Variants in SPRED1 observed in about 807,000 individuals in gnomAD.
SPRED1 encodes sprouty related EVH1 domain containing 1, also known as sprouty-related, EVH1 domain-containing protein 1.
SPRED1 carries 18 observed loss-of-function variants against 52.3 expected under a neutral mutation model. That is an observed-to-expected ratio of 0.34 (90% CI 0.24 to 0.51). SPRED1 has a LOEUF of 0.51. Ranked by LOEUF, SPRED1 falls within the 20% of genes least tolerant of loss-of-function variation. SPRED1 has a pLI of 0.97. For synonymous variants in SPRED1, 155 were observed against 179.7 expected (o/e 0.86, Z 1.10); for missense variants, 485 against 551.0 (o/e 0.88, Z 1.20).
intron 1 of SPRED1, among the ~76,000 whole-genome samples, chr15:38,260,624 T>C (rs920944025): frequency 3.9e-5 from 6 of 152,252 alleles, no homozygotes; most frequent in African/African-American, 1.2e-4. Context: ...GAGCATATAT[T>C]TTAAAGTGTT....
chr15:38,268,468 G>GT (rs1469106824), intron 1 of SPRED1, among the ~76,000 whole-genome samples: 2 of 152,194 alleles, frequency 1.3e-5, no homozygotes, highest in Admixed American at 6.5e-5. Context: ...TGTTGTCACA[G>GT]TAAGTCTAAG....
chr15:38,338,039 A>G (rs1034452857), intron 4 of SPRED1, among the ~76,000 whole-genome samples: 2 of 27,300 alleles, frequency 7.3e-5, no homozygotes, highest in Non-Finnish European at 1.6e-4. Flanking sequence ...CATTGCTACT[A>G]AAAAAAAAAA....
chr15:38,282,043 G>A (rs1894701458), intron 1 of SPRED1, among the ~76,000 whole-genome samples: 1 of 152,118 alleles, frequency 6.6e-6, no homozygotes, highest in African/African-American at 2.4e-5. Flanking sequence ...GGATTAATTT[G>A]AAGCTTTCTG....
intron 1 of SPRED1, among the ~76,000 whole-genome samples, chr15:38,267,974 A>G (rs1894346535): frequency 6.6e-6 from 1 of 152,234 alleles, no homozygotes; most frequent in Non-Finnish European, 1.5e-5. Context: ...CATAATTAAA[A>G]ACATTTCATA....
At chr15:38,265,423 T>C (rs1173516374) in intron 1 of SPRED1, among the ~76,000 whole-genome samples, 1 of 152,124 alleles carries the variant, frequency 6.6e-6, no homozygotes, top group Non-Finnish European at 1.5e-5. Context: ...TTAAAAAGGA[T>C]TATTAACCTA....
chr15:38,268,195 T>G (rs1422045892), intron 1 of SPRED1: 1 of 152,262 alleles, frequency 6.6e-6, no homozygotes, highest in Non-Finnish European at 1.5e-5. Flanking sequence ...CAATTCTGAA[T>G]TCTTCTGCAG....
At chr15:38,345,262 A>G (rs908795876) in intron 5 of SPRED1, among the ~76,000 whole-genome samples, 2 of 152,252 alleles carry the variant, frequency 1.3e-5, no homozygotes, top group African/African-American at 2.4e-5. Flanking sequence ...TATTTCAACC[A>G]TCATGAGGAC....
chr15:38,253,425 G>A (rs1286692719), intron 1 of SPRED1, among the ~76,000 whole-genome samples: 1 of 152,112 alleles, frequency 6.6e-6, no homozygotes, highest in Non-Finnish European at 1.5e-5. Flanking sequence ...TTTTGGGGTA[G>A]GGGATTAAGT....
At position 38,312,284 on chromosome 15, in the gene SPRED1, C is replaced by A. The variant is rs546994805; in HGVS notation, c.208-9957C>A. On this transcript the variant is annotated intron_variant, in intron 2 of 6. Coordinates refer to ENST00000299084, the MANE Select transcript of SPRED1 (RefSeq NM_152594.3). ...CATCAACATTATATGAGCCCATCTC[C>A]AAATTATAGAAATCCAGTGAGAGAA... 3.6e-4 allele frequency among the ~76,000 whole-genome samples: 55 copies of A among 152,170 alleles called. 1 individual carries two copies. In the East Asian group the frequency reaches 4.6e-3, roughly 13 times the overall value.
intron 1 of SPRED1, among the ~76,000 whole-genome samples, chr15:38,289,630 A>AT (rs1473277962): frequency 6.6e-6 from 1 of 151,948 alleles, no homozygotes; most frequent in Non-Finnish European, 1.5e-5. Flanking sequence ...TCCTGACTGT[A>AT]TAGGACTGTA....
At chr15:38,275,966 T>G (rs765000229) in intron 1 of SPRED1, among the ~76,000 whole-genome samples, 1 of 152,220 alleles carries the variant, frequency 6.6e-6, no homozygotes, top group Non-Finnish European at 1.5e-5. Flanking sequence ...AGTATTCCTT[T>G]CTTAACATTT....
chr15:38,272,458 A>G (rs1469076306), intron 1 of SPRED1, among the ~76,000 whole-genome samples: 1 of 151,478 alleles, frequency 6.6e-6, no homozygotes, highest in Non-Finnish European at 1.5e-5. Context: ...CACTAGAGAC[A>G]GGGGTTTCAC....
chr15:38,308,447 C>T (rs945667950), intron 2 of SPRED1, among the ~76,000 whole-genome samples: 1 of 152,184 alleles, frequency 6.6e-6, no homozygotes, highest in Non-Finnish European at 1.5e-5. Flanking sequence ...AGATGCAAAA[C>T]AGTTTAACAA....
chr15:38,310,559 A>G (rs1595740070), intron 2 of SPRED1, among the ~76,000 whole-genome samples: 1 of 152,234 alleles, frequency 6.6e-6, no homozygotes. Flanking sequence ...CATCTTTACT[A>G]TGATGAACTT....
At chr15:38,257,172 A>G (rs1168927182) in intron 1 of SPRED1, among the ~76,000 whole-genome samples, 2 of 152,112 alleles carry the variant, frequency 1.3e-5, no homozygotes, top group Non-Finnish European at 2.9e-5. Flanking sequence ...CTGTCCCTCT[A>G]TGTTGCCTCT....
intron 1 of SPRED1, among the ~76,000 whole-genome samples, chr15:38,274,078 T>C (rs1461766621): frequency 2.0e-5 from 3 of 152,240 alleles, no homozygotes; most frequent in Non-Finnish European, 4.4e-5. Context: ...CCTCCTCATA[T>C]TGCTGTGTTT....
chr15:38,261,740 CT>C (rs1295896005), intron 1 of SPRED1, among the ~76,000 whole-genome samples: 1 of 152,058 alleles, frequency 6.6e-6, no homozygotes, highest in African/African-American at 2.4e-5. Context: ...GAATGTAATT[CT>C]TTTTCCTGGT....
chr15:38,261,956 A>C (rs985357083), intron 1 of SPRED1, among the ~76,000 whole-genome samples: 6 of 147,116 alleles, frequency 4.1e-5, no homozygotes, highest in Non-Finnish European at 7.4e-5. Context: ...AACTTTTACC[A>C]CTTCAGAGTG....
chr15:38,274,249 A>G (rs957320568), intron 1 of SPRED1, among the ~76,000 whole-genome samples: 2 of 152,224 alleles, frequency 1.3e-5, no homozygotes, highest in Non-Finnish European at 1.5e-5. Flanking sequence ...CCAAAATTCT[A>G]CATGTAGGAC....
Sources: allele counts gnomAD v4.1 joint callset (sites outside exome capture counted in the v4.1 genomes callset), GRCh38; gene constraint gnomAD v4.1.1; transcripts MANE v1.5; gene names NCBI Gene and HGNC (gene_info 2026-07-23, HGNC 2026-07-21).